Variants in XPO5 observed in about 807,000 individuals in gnomAD.
XPO5 encodes exportin-5.
Under a neutral mutation model 160.6 loss-of-function variants are expected in XPO5, and 46 were observed. The ratio of observed to expected loss-of-function variants is 0.29; its 90% CI spans 0.23 to 0.37. XPO5 has a LOEUF of 0.37. Ranked by LOEUF, XPO5 falls within the 10% of genes least tolerant of loss-of-function variation. The pLI is 1.00. For missense variants in XPO5, 1,090 were observed against 1,463.9 expected, an observed-to-expected ratio of 0.74 and a Z score of 4.17; for synonymous variants, 537 against 519.3, an observed-to-expected ratio of 1.03 and a Z score of -0.46.
At chr6:43,552,354 C>G (rs1795269798) in intron 14 of XPO5, among the ~76,000 whole-genome samples, 1 of 151,916 alleles carries the variant, frequency 6.6e-6, no homozygotes, top group African/African-American at 2.4e-5. Context: ...CTGCGCCCCA[C>G]CCTTTTCTTT....
rs187713022 is a variant in XPO5 at position 43,539,367 on chromosome 6, G to A, written c.2343-5360C>T. 2,173 of 1,579,708 alleles carry A rather than the reference G, an allele frequency of 1.4e-3. 9 individuals carry two copies. The highest frequency in any genetic ancestry group is 6.0e-3 in the Middle Eastern group (33 of 5,520). ...CGCTGGCCAGCACGGGTCTGCTTCT[G>A]CACTGGCATAATCTTCAAAACCTCA... On this transcript the variant is annotated intron_variant, in intron 20 of 31. Coordinates refer to ENST00000265351, the MANE Select transcript of XPO5 (RefSeq NM_020750.3).
At chr6:43,536,662 A>C (rs1186203783) in intron 20 of XPO5, among the ~76,000 whole-genome samples, 1 of 140,604 alleles carries the variant, frequency 7.1e-6, no homozygotes. Flanking sequence ...CAGGAGGCTG[A>C]GGTAGGAGAA....
At chr6:43,526,359 G>A (rs148334078) in intron 27 of XPO5, 14 of 420,476 alleles carry the variant, frequency 3.3e-5, no homozygotes, top group African/African-American at 2.8e-4. Context: ...GAAGAATAAA[G>A]CAGAGGAATA....
At chr6:43,550,005 A>G in intron 15 of XPO5, 71 bp from the exon 16 acceptor site, 2 of 1,521,264 alleles carry the variant, frequency 1.3e-6, no homozygotes, top group Non-Finnish European at 1.8e-6. Flanking sequence ...TATGTTGCCC[A>G]GACTAGACTT....
Position 43,545,036 on chromosome 6 carries a change from C to G in XPO5, c.2342+1535G>C, listed in dbSNP as rs557635008. Reference sequence around the variant, plus strand: ...TACAGGCATGTGCCACCATGCCCAGCTAATTTTTGTATTTTTAGTAGAGAC... The same window carrying G: ...TACAGGCATGTGCCACCATGCCCAGGTAATTTTTGTATTTTTAGTAGAGAC... On this transcript the variant is annotated intron_variant, in intron 20 of 31. Coordinates refer to ENST00000265351, the MANE Select transcript of XPO5 (RefSeq NM_020750.3). Among the ~76,000 whole-genome samples, 15 of 152,084 alleles carry G rather than the reference C, an allele frequency of 9.9e-5. No individual in the cohort carries two copies. The East Asian group carries it at 2.9e-3, about 30-fold the overall frequency.
chr6:43,524,197 CA>C lies in XPO5; in HGVS notation c.3478-193del, dbSNP rs1408117004. ...AGAAACCCCGTCTCTACTAAAAATA[CA>C]AAAAGTAGCCAGACGTGGTGGTGCA... On this transcript the variant is annotated intron_variant, in intron 31 of 31. Transcript: ENST00000265351. Among the ~76,000 whole-genome samples, 8 of 151,990 alleles carry C rather than the reference CA, an allele frequency of 5.3e-5. No individual in the cohort carries two copies. In the South Asian group the frequency reaches 1.7e-3, roughly 32 times the overall value.
At chr6:43,524,030 T>C in intron 31 of XPO5, 25 bp from the exon 32 acceptor site, 1 of 1,606,666 alleles carries the variant, frequency 6.2e-7, no homozygotes, top group Non-Finnish European at 8.5e-7. Flanking sequence ...TGAGAAAGAA[T>C]TAATGCTGGG....
intron 8 of XPO5, among the ~76,000 whole-genome samples, chr6:43,564,103 G>A (rs1223997459): frequency 6.6e-6 from 1 of 152,112 alleles, no homozygotes; most frequent in East Asian, 1.9e-4. Context: ...TGTACTTTTA[G>A]TAGAGATGGG....
chr6:43,565,443 T>C (rs917740267), intron 8 of XPO5, among the ~76,000 whole-genome samples: 5 of 151,690 alleles, frequency 3.3e-5, no homozygotes, highest in Non-Finnish European at 5.9e-5. Flanking sequence ...GGTGCGCCTG[T>C]AATCCCAGCT....
At chr6:43,550,302 T>C (rs1003145998) in intron 15 of XPO5, among the ~76,000 whole-genome samples, 15 of 152,222 alleles carry the variant, frequency 9.9e-5, no homozygotes, top group African/African-American at 3.6e-4. Flanking sequence ...CAATGAAATA[T>C]GGCTGCTTAC....
intron 23 of XPO5, 116 bp from the exon 24 acceptor site, chr6:43,529,041 T>C: frequency 8.8e-7 from 1 of 1,138,454 alleles, no homozygotes; most frequent in East Asian, 2.4e-5. Flanking sequence ...ATGTCAAAAA[T>C]ATCCTGTGTT....
rs183817127 is a variant in XPO5, at chr6:43,529,447, G to A, written c.2678-522C>T. The A allele has an allele frequency of 6.9e-4, 221 of 322,310 alleles. 1 individual carries two copies. Among genetic ancestry groups the A allele is most frequent in the South Asian group, 2.7e-3 (109 of 40,866 alleles). The allele number at this position is 322,310 out of a possible 1,614,324, so 20.0% of individuals were successfully genotyped here. Reference sequence around the variant, plus strand: ...CGAGCGCCTGTAGTCCCAGCTACTCGAGAAGCTAAGGCAAGAGAATGGTGT... The same window carrying A: ...CGAGCGCCTGTAGTCCCAGCTACTCAAGAAGCTAAGGCAAGAGAATGGTGT... On this transcript the variant is annotated intron_variant, in intron 23 of 31. Coordinates refer to ENST00000265351, the MANE Select transcript of XPO5 (RefSeq NM_020750.3).
Position 43,573,650 on chromosome 6 carries a change from G to A in XPO5, c.106-49C>T, listed in dbSNP as rs757947281. The A allele has an allele frequency of 1.0e-5, 16 of 1,572,620 alleles. 1 individual carries two copies. In the African/African-American group the frequency reaches 1.5e-4, roughly 15 times the overall value. ...TCCTTTCGAGGGCTGAGAGAATAGG[G>A]ACTAAAAGAATTTCATCTTAAGAAA... On this transcript the variant is annotated intron_variant, in intron 1 of 31. Transcript: ENST00000265351.
In XPO5 at chr6:43,575,826, C is replaced by T. The variant is rs762549723; in HGVS notation, c.39G>A (p.Leu13=). The change falls in exon 1 of 32, where the codon CTG becomes CTA. Residue 13 remains leucine (L), a synonymous_variant. Transcript: ENST00000265351. ...CCATCATGACCGTCACCGCTTTCAC[C>T]AGCTGCTCGCACAGCGCGTTTACTT... is the stretch of plus-strand genomic sequence containing the variant. ...MDQVNALCEQ[L]VKAVTVMMDP... is the part of the protein sequence containing the mutation. The T allele has an allele frequency of 6.2e-7, 1 of 1,613,840 alleles. No homozygotes were observed. Among genetic ancestry groups the T allele is most frequent in the Admixed American group, 1.7e-5 (1 of 60,028 alleles).
chr6:43,568,188 G>A (rs1268156026), intron 6 of XPO5, among the ~76,000 whole-genome samples: 1 of 151,828 alleles, frequency 6.6e-6, no homozygotes, highest in African/African-American at 2.4e-5. Context: ...GGCACCTGTA[G>A]TCCCAGCTAC....
rs755584363 is a variant in XPO5, at chr6:43,546,690, T to C, written c.2223A>G (p.Leu741=). The C allele has an allele frequency of 6.2e-6, 10 of 1,613,098 alleles. No individual in the cohort carries two copies. The South Asian group carries it at 9.9e-5, about 16-fold the overall frequency. The change falls in exon 20 of 32, where the codon CTA becomes CTG. Residue 741 remains leucine (L), a synonymous_variant. Transcript: ENST00000265351. ...CAAATCCCCCAGCTTTGGCCTCTTC[T>C]AGGTCAGTGGGCCAGCAAGTTCGTT... ...VVKRTCWPTD[L]EEAKAGGFVV... is the part of the protein sequence containing the mutation.
Position 43,526,705 on chromosome 6 carries a change from G to C in XPO5, c.2963C>G (p.Ala988Gly). The change falls in exon 27 of 32, where the codon GCT becomes GGT. Residue 988 changes from alanine (A) to glycine (G), a missense_variant. Transcript: ENST00000265351. ...CTTACCGTCTCCATCTGCTGGGGGA[G>C]CACTACTGTGGTCAGCACCCTTCTT... ...VSKKGADHSS[A>G]PPADGDDEEM... The C allele has an allele frequency of 1.2e-6, 2 of 1,613,966 alleles. No homozygotes were observed. The highest frequency in any genetic ancestry group is 8.5e-7 in the Non-Finnish European group (1 of 1,179,874).
chr6:43,532,713 G>A (rs1794057159), intron 21 of XPO5, among the ~76,000 whole-genome samples: 1 of 152,312 alleles, frequency 6.6e-6, no homozygotes, highest in Non-Finnish European at 1.5e-5. Context: ...ACTTCCCTCT[G>A]AGACTGGGTT....
At position 43,543,408 on chromosome 6, in the gene XPO5, G is replaced by A. The variant is rs1319641865; in HGVS notation, c.2342+3163C>T. On this transcript the variant is annotated intron_variant, in intron 20 of 31. Coordinates refer to ENST00000265351, the MANE Select transcript of XPO5 (RefSeq NM_020750.3). ...GTCGAGGCTGCAGTGAGCCGTGATC[G>A]CAACACTGCACCCCAACCTGGGCGA... Among the ~76,000 whole-genome samples, 5 of 152,246 alleles carry A rather than the reference G, an allele frequency of 3.3e-5. No homozygotes were observed. In the South Asian group the frequency reaches 6.2e-4, roughly 19 times the overall value.
Sources: allele counts gnomAD v4.1 joint callset (sites outside exome capture counted in the v4.1 genomes callset), GRCh38; gene constraint gnomAD v4.1.1; transcripts MANE v1.5; gene names NCBI Gene and HGNC (gene_info 2026-07-23, HGNC 2026-07-21).